The following DMXL1 variants were observed in gnomAD, a reference collection of about 807,000 sequenced individuals.
DMXL1 encodes the protein dmX-like protein 1.
Under a neutral mutation model 319.2 loss-of-function variants are expected in DMXL1, and 99 were observed. The ratio of observed to expected loss-of-function variants is 0.31; its 90% CI spans 0.26 to 0.37. The LOEUF (loss-of-function observed/expected upper bound fraction) is 0.37. Ranked by LOEUF, DMXL1 falls within the 10% of genes least tolerant of loss-of-function variation. DMXL1 has a pLI of 1.00. For synonymous variants in DMXL1, 1,385 were observed against 1,235.2 expected (o/e 1.12, Z -2.54); for missense variants, 3,745 against 3,595.6 (o/e 1.04, Z -1.06).
Position 119,071,224 on chromosome 5 carries a change from A to C in DMXL1, c.-346A>C. The C allele has an allele frequency of 6.7e-6, 2 of 300,254 alleles. No individual in the cohort carries two copies. The allele number at this position is 300,254 out of a possible 1,614,324, so 18.6% of individuals were successfully genotyped here. On this transcript the variant is annotated 5_prime_UTR_variant, in exon 1 of 44. Transcript: ENST00000539542. ...TCAGGAGCGGCTGCCCGAGGTCCAG[A>C]GGAAGTGTGTGGACAGCGCGGCCTT...
intron 34 of DMXL1, among the ~76,000 whole-genome samples, chr5:119,211,203 G>A (rs1440297550): frequency 6.6e-6 from 1 of 151,950 alleles, no homozygotes; most frequent in Middle Eastern, 3.2e-3. Context: ...ATGTTCATGA[G>A]GGATATTGGT....
At chr5:119,161,314 G>A (rs935310348) in intron 19 of DMXL1, among the ~76,000 whole-genome samples, 1 of 152,232 alleles carries the variant, frequency 6.6e-6, no homozygotes, top group African/African-American at 2.4e-5. Flanking sequence ...TGCTGGCTGG[G>A]CACTGCGATA....
At chr5:119,210,125 A>G (rs112532052) in intron 34 of DMXL1, among the ~76,000 whole-genome samples, 4,224 of 152,068 alleles carry the variant, frequency 0.028, 184 homozygotes, top group African/African-American at 0.096. Context: ...TTATATTTTT[A>G]GTAGATGAGT....
intron 9 of DMXL1, among the ~76,000 whole-genome samples, chr5:119,124,125 A>G (rs1405225648): frequency 6.6e-6 from 1 of 151,550 alleles, no homozygotes; most frequent in Non-Finnish European, 1.5e-5. Context: ...CCTGGCTAAC[A>G]TGGTAAAACC....
At chr5:119,151,358 AAT>A (rs1280158282) in intron 18 of DMXL1, among the ~76,000 whole-genome samples, 4 of 152,208 alleles carry the variant, frequency 2.6e-5, no homozygotes, top group Non-Finnish European at 5.9e-5. Context: ...TTGAAAGGAA[AAT>A]ATAGGGTAAA....
intron 34 of DMXL1, among the ~76,000 whole-genome samples, chr5:119,214,706 A>T (rs1440122789): frequency 6.6e-6 from 1 of 152,204 alleles, no homozygotes; most frequent in African/African-American, 2.4e-5. Flanking sequence ...GTTGATTCTT[A>T]TTCAGGTTAT....
chr5:119,192,847 C>T (rs1474267156), intron 29 of DMXL1, among the ~76,000 whole-genome samples: 4 of 152,104 alleles, frequency 2.6e-5, no homozygotes, highest in South Asian at 4.2e-4. Flanking sequence ...CAAAACCTTC[C>T]CTCTCATACC....
intron 9 of DMXL1, among the ~76,000 whole-genome samples, chr5:119,121,575 T>A (rs1762065906): frequency 6.6e-6 from 1 of 152,122 alleles, no homozygotes; most frequent in Non-Finnish European, 1.5e-5. Context: ...ACAGCACATG[T>A]TTCAGAGAGC....
chr5:119,116,436 C>T (rs1760862606), intron 7 of DMXL1, 100 bp downstream of exon 7: 2 of 1,272,776 alleles, frequency 1.6e-6, no homozygotes. Flanking sequence ...TACAGGACTT[C>T]TGAGCCTATG....
At chr5:119,246,270 A>G (rs1333826144) in intron 43 of DMXL1, among the ~76,000 whole-genome samples, 1 of 152,154 alleles carries the variant, frequency 6.6e-6, no homozygotes, top group East Asian at 1.9e-4. Context: ...CCCTCTTTCT[A>G]GCTGTTCTGA....
chr5:119,125,107 G>A (rs1763227914), intron 9 of DMXL1, among the ~76,000 whole-genome samples: 1 of 152,048 alleles, frequency 6.6e-6, no homozygotes, highest in Non-Finnish European at 1.5e-5. Context: ...TAATAATAGT[G>A]GCAAACATTA....
In DMXL1 at chr5:119,144,621, G is replaced by C. The variant is rs4895362; in HGVS notation, c.2552G>C (p.Ser851Thr). Residue 851 changes from serine (S) to threonine (T), a missense_variant, in exon 15 of 44, where the codon AGC becomes ACC. Around this residue, in one of 4 missense-constraint regions of DMXL1, gnomAD observed 2,096 missense variants for 1,985.4 expected, o/e 1.06. Transcript: ENST00000539542. ...GAGAAGAAAAGCCTTGGCAAAGACA[G>C]CATTTTATCTAATGCAGGTAAGGAA... ...NLEKKSLGKD[S>T]ILSNAGSSPN... 11 of 1,594,852 alleles carry C rather than the reference G, an allele frequency of 6.9e-6. No individual in the cohort carries two copies. The African/African-American group carries it at 1.2e-4, about 18-fold the overall frequency.
intron 38 of DMXL1, among the ~76,000 whole-genome samples, chr5:119,228,839 G>T (rs769251954): frequency 4.0e-5 from 6 of 151,836 alleles, no homozygotes; most frequent in Non-Finnish European, 5.9e-5. Context: ...AGACATCAAA[G>T]GCAAATACAG....
chr5:119,159,139 T>G (rs897052442), intron 19 of DMXL1, among the ~76,000 whole-genome samples: 1 of 152,140 alleles, frequency 6.6e-6, no homozygotes, highest in African/African-American at 2.4e-5. Flanking sequence ...GAGACTTTTT[T>G]TTTTTCTTTG....
At chr5:119,115,443 A>G (rs1475256599) in intron 6 of DMXL1, among the ~76,000 whole-genome samples, 6 of 152,220 alleles carry the variant, frequency 3.9e-5, no homozygotes, top group Non-Finnish European at 8.8e-5. Context: ...AGAGCATTTC[A>G]CGAGCTGCTA....
rs1167545775 is a variant in DMXL1 at position 119,149,970 on chromosome 5, C to T, written c.4143C>T (p.Ser1381=). 1 of 1,613,896 alleles carries T rather than the reference C, an allele frequency of 6.2e-7. No homozygotes were observed. The change falls in exon 18 of 44, where the codon AGC becomes AGT. Residue 1381 remains serine (S), a synonymous_variant. Coordinates refer to ENST00000539542, the MANE Select transcript of DMXL1 (RefSeq NM_001290321.3). ...LRSLTISASG[S]TTRDPQAFNK... ...CTCTCACAATCAGTGCTAGTGGAAGCACTACCAGAGACCCCCAGGCATTCA... is the reference window on the plus strand; with the variant it reads ...CTCTCACAATCAGTGCTAGTGGAAGTACTACCAGAGACCCCCAGGCATTCA...
intron 1 of DMXL1, among the ~76,000 whole-genome samples, chr5:119,084,913 TA>T (rs796729743): frequency 3.9e-5 from 6 of 152,200 alleles, no homozygotes; most frequent in African/African-American, 1.4e-4. Context: ...GTGGTCATTT[TA>T]ACAATATTAA....
intron 4 of DMXL1, among the ~76,000 whole-genome samples, chr5:119,107,059 G>T (rs796201015): frequency 3.3e-4 from 51 of 152,284 alleles, no homozygotes; most frequent in African/African-American, 1.1e-3. Flanking sequence ...CTTTGGGGCT[G>T]GGCACGGTGG....
At position 119,108,375 on chromosome 5, in the gene DMXL1, C is replaced by T. The variant is rs934809420; in HGVS notation, c.365-1776C>T. Among the ~76,000 whole-genome samples the T allele has an allele frequency of 1.7e-4, 26 of 152,038 alleles. 1 individual carries two copies. Among genetic ancestry groups the T allele is most frequent in the African/African-American group, 6.3e-4 (26 of 41,388 alleles). On this transcript the variant is annotated intron_variant, in intron 4 of 43. Transcript: ENST00000539542. ...CATAGAGTTGGAATCTGTCCTTTAACCCTCTTGTTTTTTCTCTGTATTTAT... is the reference window on the plus strand; with the variant it reads ...CATAGAGTTGGAATCTGTCCTTTAATCCTCTTGTTTTTTCTCTGTATTTAT...
Sources: gnomAD v4.1 joint callset for allele counts (sites outside exome capture counted in the v4.1 genomes callset) on GRCh38, gnomAD v4.1.1 for gene constraint, gnomAD v4.1.1 regional missense constraint, MANE v1.5 for transcripts, NCBI Gene and HGNC (gene_info 2026-07-23, HGNC 2026-07-21) for gene names.